The following DLAT variants were observed in gnomAD, a reference collection of about 807,000 sequenced individuals.
DLAT encodes the protein dihydrolipoyllysine-residue acetyltransferase component of pyruvate dehydrogenase complex, mitochondrial.
A neutral mutation model predicts 68.0 loss-of-function variants in DLAT; 43 were observed. The observed-to-expected ratio is 0.63, with a 90% confidence interval of 0.50 to 0.81. DLAT has a LOEUF of 0.81. DLAT is among the 40% of genes least tolerant of loss of function. The pLI is 0.00. For missense variants in DLAT, 745 were observed against 815.4 expected, an observed-to-expected ratio of 0.91 and a Z score of 1.05; for synonymous variants, 265 against 288.6, an observed-to-expected ratio of 0.92 and a Z score of 0.83.
At chr11:112,026,510 G>C (rs1238689464) in intron 2 of DLAT, among the ~76,000 whole-genome samples, 1 of 151,902 alleles carries the variant, frequency 6.6e-6, no homozygotes, top group Non-Finnish European at 1.5e-5. Flanking sequence ...CTTGAGATTA[G>C]GGAGTGGTGA....
chr11:112,027,912 G>GTGGGGAGAGGGAGAGGGAGACCC (rs1862162354), intron 2 of DLAT, among the ~76,000 whole-genome samples: 1 of 150,366 alleles, frequency 6.7e-6, no homozygotes, highest in African/African-American at 2.5e-5. Flanking sequence ...GAGGGAGACC[G>GTGGGGAGAGGGAGAGGGAGACCC]TGGGGAGAGG....
intron 12 of DLAT, among the ~76,000 whole-genome samples, chr11:112,060,645 T>C (rs1864536245): frequency 1.3e-5 from 2 of 152,066 alleles, no homozygotes. Context: ...TGTATGTTTT[T>C]AGTAGTGTCG....
chr11:112,063,179 A>C lies in DLAT; in HGVS notation c.*644A>C, dbSNP rs1469686894. ...ACACATGGTTATTCCCCCCTACTTG[A>C]GATAATCTAAATATAAACCAGCTAC... On this transcript the variant is annotated 3_prime_UTR_variant, in exon 14 of 14. Transcript: ENST00000280346. The C allele has an allele frequency of 3.3e-5, 5 of 152,308 alleles. No individual in the cohort carries two copies. In the South Asian group the frequency reaches 8.3e-4, roughly 25 times the overall value. 9.4% of individuals were successfully genotyped at this position (152,308 alleles called of 1,614,324 possible).
rs142286345 is a variant in DLAT at position 112,028,153 on chromosome 11, A to G, written c.382-362A>G. On this transcript the variant is annotated intron_variant, in intron 2 of 13. Coordinates refer to ENST00000280346, the MANE Select transcript of DLAT (RefSeq NM_001931.5). ...TTTTAACCAAGGCGTTTCTAAAGTA[A>G]TTTCTTCTTTGAAATCTGTCGTAGT... Among the ~76,000 whole-genome samples the G allele has an allele frequency of 6.9e-3, 1,046 of 152,218 alleles. 5 individuals carry two copies. Among genetic ancestry groups the G allele is most frequent in the Middle Eastern group, 0.051 (15 of 294 alleles).
chr11:112,056,145 A>G (rs184715923), intron 11 of DLAT, among the ~76,000 whole-genome samples: 43 of 152,004 alleles, frequency 2.8e-4, no homozygotes, highest in Admixed American at 2.8e-3. Context: ...GGATTACAGC[A>G]TGAGCCACCG....
At chr11:112,036,208 T>TTTG (rs1566617874) in intron 5 of DLAT, among the ~76,000 whole-genome samples, 1 of 49,250 alleles carries the variant, frequency 2.0e-5, no homozygotes, top group African/African-American at 6.1e-5. Context: ...TGTGTTTTTT[T>TTTG]TTTTTTTTTT....
chr11:112,027,814 C>T (rs1862151574), intron 2 of DLAT, among the ~76,000 whole-genome samples: 1 of 150,900 alleles, frequency 6.6e-6, no homozygotes, highest in Admixed American at 6.6e-5. Context: ...GCAGGAGAAT[C>T]AGGCAGGGAG....
Position 112,052,296 on chromosome 11 carries a change from A to G in DLAT, c.1514+947A>G, listed in dbSNP as rs587670255. On this transcript the variant is annotated intron_variant, in intron 11 of 13. Coordinates refer to ENST00000280346, the MANE Select transcript of DLAT (RefSeq NM_001931.5). ...ATTTCCTCTAATTCAATTCAATTCA[A>G]TTCTGGTGCTGTCTACCTGTAGATA... is the stretch of plus-strand genomic sequence containing the variant. 9.9e-5 allele frequency among the ~76,000 whole-genome samples: 15 copies of G among 152,198 alleles called. No homozygotes were observed. In the South Asian group the frequency reaches 2.9e-3, roughly 30 times the overall value.
chr11:112,050,859 G>A (rs1215757183), intron 10 of DLAT, among the ~76,000 whole-genome samples: 1 of 152,236 alleles, frequency 6.6e-6, no homozygotes, highest in Non-Finnish European at 1.5e-5. Flanking sequence ...TGCTAAAGCA[G>A]TGCTTAGCAG....
At chr11:112,039,595 T>G (rs1862950752) in intron 7 of DLAT, among the ~76,000 whole-genome samples, 198 bp downstream of exon 7, 1 of 152,218 alleles carries the variant, frequency 6.6e-6, no homozygotes, top group African/African-American at 2.4e-5. Context: ...GAGCTTTATT[T>G]ACTCTGCCTA....
chr11:112,060,643 T>TG (rs1555183130), intron 12 of DLAT, among the ~76,000 whole-genome samples: 25 of 152,156 alleles, frequency 1.6e-4, no homozygotes, highest in Non-Finnish European at 2.2e-4. Context: ...TGTGTATGTT[T>TG]TTAGTAGTGT....
At chr11:112,062,316 T>G in intron 13 of DLAT, 90 bp from the exon 14 acceptor site, 1 of 1,393,322 alleles carries the variant, frequency 7.2e-7, no homozygotes, top group Non-Finnish European at 1.0e-6. Context: ...CTGGTTGGGA[T>G]TATAGGGTAG....
At chr11:112,055,166 G>A (rs1863932039) in intron 11 of DLAT, among the ~76,000 whole-genome samples, 1 of 149,192 alleles carries the variant, frequency 6.7e-6, no homozygotes, top group African/African-American at 2.4e-5. Flanking sequence ...CTCGTGGAGA[G>A]TTTTCTGGAG....
Position 112,025,606 on chromosome 11 carries a change from G to C in DLAT, c.134G>C (p.Arg45Pro), listed in dbSNP as rs1312661128. Residue 45 changes from arginine to proline, a missense_variant, in exon 1 of 14, where the codon CGC becomes CCC. By Grantham distance (103) the Arg-to-Pro change is moderately radical. Coordinates refer to ENST00000280346, the MANE Select transcript of DLAT (RefSeq NM_001931.5). ...CGATCTGGCCCGGCTCCCGCTCGTC[G>C]CAACAGCGTGACTACAGGGTATGGC... ...TSRSGPAPAR[R>P]NSVTTGYGGV... is the part of the protein sequence containing the mutation. 1.2e-6 allele frequency: 2 copies of C among 1,613,808 alleles called. No individual in the cohort carries two copies. Among genetic ancestry groups the C allele is most frequent in the African/African-American group, 2.7e-5 (2 of 74,924 alleles).
intron 12 of DLAT, 32 bp from the exon 13 acceptor site, chr11:112,061,004 AAC>A (rs1592734570): frequency 6.6e-7 from 1 of 1,523,572 alleles, no homozygotes; most frequent in African/African-American, 1.5e-5. Context: ...TATGTTGACA[AAC>A]TATAATTTAT....
intron 11 of DLAT, among the ~76,000 whole-genome samples, chr11:112,059,371 T>TC (rs1864384364): frequency 6.6e-6 from 1 of 150,986 alleles, no homozygotes; most frequent in Admixed American, 6.6e-5. Context: ...TTTTTTTTTT[T>TC]CTTGGCAGGC....
At chr11:112,034,974 C>T (rs1282198620) in intron 5 of DLAT, among the ~76,000 whole-genome samples, 1 of 151,966 alleles carries the variant, frequency 6.6e-6, no homozygotes, top group Non-Finnish European at 1.5e-5. Context: ...GGAGTTTCAC[C>T]ATGTTGGCCA....
In DLAT at chr11:112,026,309, T is replaced by G. The variant is rs1441565499; in HGVS notation, c.381+10T>G. The stretch of plus-strand genomic sequence containing the variant: ...TGACCTAATTGCAGAGGTAAGTTTT[T>G]TTTTTTTTTTTTAATTAATTTATTT... On this transcript the variant is annotated intron_variant, in intron 2 of 13. Coordinates refer to ENST00000280346, the MANE Select transcript of DLAT (RefSeq NM_001931.5). 9.5e-6 allele frequency: 13 copies of G among 1,362,112 alleles called. No individual in the cohort carries two copies. The highest frequency in any genetic ancestry group is 7.5e-5 in the African/African-American group (5 of 66,484). The allele number at this position is 1,362,112 out of a possible 1,614,324, so 84.4% of individuals were successfully genotyped here. A position where few individuals can be genotyped will look rare whatever the true frequency, so the allele number is the denominator to read the frequency against.
chr11:112,035,780 C>T (rs1484147195), intron 5 of DLAT, among the ~76,000 whole-genome samples: 4 of 135,730 alleles, frequency 2.9e-5, no homozygotes, highest in African/African-American at 8.5e-5. Flanking sequence ...GAGCCACCAC[C>T]GCACCCAGCC....
Sources: gnomAD v4.1 joint callset for allele counts (sites outside exome capture counted in the v4.1 genomes callset) on GRCh38, gnomAD v4.1.1 for gene constraint, MANE v1.5 for transcripts, NCBI Gene and HGNC (gene_info 2026-07-23, HGNC 2026-07-21) for gene names.